SLC7A14: variants seen among roughly 807,000 people sequenced by gnomAD.
SLC7A14 encodes the protein solute carrier family 7 member 14.
A neutral mutation model predicts 60.2 loss-of-function variants in SLC7A14; 37 were observed. The observed-to-expected ratio is 0.61, with a 90% confidence interval of 0.47 to 0.81. The LOEUF (loss-of-function observed/expected upper bound fraction) is 0.81. Ranked by LOEUF, SLC7A14 falls within the 30% of genes least tolerant of loss-of-function variation. SLC7A14 has a pLI of 0.00. For missense variants in SLC7A14, 886 were observed against 982.7 expected, an observed-to-expected ratio of 0.90 and a Z score of 1.32; for synonymous variants, 399 against 395.8, an observed-to-expected ratio of 1.01 and a Z score of -0.10.
chr3:170,519,503 G>T (rs1410757875), intron 2 of SLC7A14, among the ~76,000 whole-genome samples: 1 of 152,214 alleles, frequency 6.6e-6, no homozygotes, highest in South Asian at 2.1e-4. Flanking sequence ...GGGGCCAGGC[G>T]CAGTGGCTCA....
chr3:170,533,650 AGTGTGTGTGTGT>A (rs55850380), intron 1 of SLC7A14, among the ~76,000 whole-genome samples: 2,716 of 149,062 alleles, frequency 0.018, 82 homozygotes, highest in African/African-American at 0.063. Flanking sequence ...CATCTGGCCC[AGTGTGTGTGTGT>A]GTGTGTGTGT....
chr3:170,505,634 C>T (rs1466476025), intron 2 of SLC7A14, among the ~76,000 whole-genome samples: 3 of 152,006 alleles, frequency 2.0e-5, no homozygotes, highest in African/African-American at 4.8e-5. Context: ...GCCTGTAATC[C>T]CAGAACTTTG....
intron 7 of SLC7A14, among the ~76,000 whole-genome samples, chr3:170,468,765 T>G (rs1739795105): frequency 6.6e-6 from 1 of 152,180 alleles, no homozygotes; most frequent in African/African-American, 2.4e-5. Context: ...ACTTAGCCTC[T>G]CTGTTCCTCA....
At position 170,486,327 on chromosome 3, in the gene SLC7A14, G is replaced by C; in HGVS notation, c.801C>G (p.Gly267=). The change falls in exon 5 of 8, where the codon GGC becomes GGG. Residue 267 remains glycine, a synonymous_variant. Transcript: ENST00000231706. ...GAATCFYAFI[G]FDIIATTGEE... ...CTCCAGTGGTGGCGATGATGTCAAA[G>C]CCAATGAAAGCGTAGAAGCATGTTG... 6.2e-7 allele frequency: 1 copy of C among 1,614,218 alleles called. No individual in the cohort carries two copies. The highest frequency in any genetic ancestry group is 8.5e-7 in the Non-Finnish European group (1 of 1,180,046).
At chr3:170,545,772 G>A (rs1166166130) in intron 1 of SLC7A14, among the ~76,000 whole-genome samples, 4 of 152,212 alleles carry the variant, frequency 2.6e-5, no homozygotes, top group African/African-American at 7.2e-5. Flanking sequence ...CACATTAGCT[G>A]ATATTATTAT....
Position 170,557,117 on chromosome 3 carries a change from A to T in SLC7A14, c.-153+28794T>A, listed in dbSNP as rs186420435. Among the ~76,000 whole-genome samples, 5 of 152,260 alleles carry T rather than the reference A, an allele frequency of 3.3e-5. No individual in the cohort carries two copies. In the East Asian group the frequency reaches 9.6e-4, roughly 29 times the overall value. Reference sequence around the variant, plus strand: ...GGCTTCCAGGTGGGTTATGATGCACAGTTCTCCTACTGAGTGTATTGTGTG... The same window carrying T: ...GGCTTCCAGGTGGGTTATGATGCACTGTTCTCCTACTGAGTGTATTGTGTG... On this transcript the variant is annotated intron_variant, in intron 1 of 7. Transcript: ENST00000231706.
At position 170,464,364 on chromosome 3, in the gene SLC7A14, G is replaced by A. The variant is rs940122441; in HGVS notation, c.*2691C>T. ...GCAAAGTTTCTAAGATAATTATAAG[G>A]TGATCTTACTTTTAATGTGATCCCA... On this transcript the variant is annotated 3_prime_UTR_variant, in exon 8 of 8. Transcript: ENST00000231706. 1.3e-5 allele frequency: 2 copies of A among 152,150 alleles called. No homozygotes were observed. Among genetic ancestry groups the A allele is most frequent in the African/African-American group, 4.8e-5 (2 of 41,442 alleles). The allele number at this position is 152,150 out of a possible 1,614,324, so 9.4% of individuals were successfully genotyped here. A position where few individuals can be genotyped will look rare whatever the true frequency, so the allele number is the denominator to read the frequency against.
rs759232246 is a variant in SLC7A14, at chr3:170,526,614, C to T, written c.304+19G>A. On this transcript the variant is annotated intron_variant, in intron 2 of 7. Transcript: ENST00000231706. Reference sequence around the variant, plus strand: ...GTAAGCACACTTTCCACAGTACTTCCCTGCATGGAGACACTTACCTGATAA... The same window carrying T: ...GTAAGCACACTTTCCACAGTACTTCTCTGCATGGAGACACTTACCTGATAA... The T allele has an allele frequency of 1.9e-6, 3 of 1,610,712 alleles. No homozygotes were observed. Among genetic ancestry groups the T allele is most frequent in the Non-Finnish European group, 2.5e-6 (3 of 1,178,572 alleles).
chr3:170,512,808 C>T (rs1310423228), intron 2 of SLC7A14, among the ~76,000 whole-genome samples: 8 of 150,898 alleles, frequency 5.3e-5, no homozygotes, highest in African/African-American at 1.5e-4. Flanking sequence ...GGACTACAGG[C>T]GCCCGCCACT....
chr3:170,552,026 A>G (rs185989081), intron 1 of SLC7A14, among the ~76,000 whole-genome samples: 29 of 152,348 alleles, frequency 1.9e-4, no homozygotes, highest in Non-Finnish European at 1.2e-4. Context: ...ATTTTCTTCC[A>G]AGAATTTTAT....
At chr3:170,471,244 A>G (rs1013388517) in intron 7 of SLC7A14, among the ~76,000 whole-genome samples, 1 of 152,196 alleles carries the variant, frequency 6.6e-6, no homozygotes. Flanking sequence ...AGGTCTCCCC[A>G]TGCCCTAATC....
chr3:170,486,354 T>C lies in SLC7A14; in HGVS notation c.774A>G (p.Ala258=), dbSNP rs770033242. ...PHGWSGVLQG[A]ATCFYAFIGF... is the part of the protein sequence containing the mutation. Reference sequence around the variant, plus strand: ...CAATGAAAGCGTAGAAGCATGTTGCTGCTCCTTGCAGCACCTGTGTGGATG... The same window carrying C: ...CAATGAAAGCGTAGAAGCATGTTGCCGCTCCTTGCAGCACCTGTGTGGATG... The change falls in exon 5 of 8, where the codon GCA becomes GCG. Residue 258 remains alanine (A), a synonymous_variant. Transcript: ENST00000231706. The C allele has an allele frequency of 4.3e-6, 7 of 1,614,258 alleles. No homozygotes were observed. Among genetic ancestry groups the C allele is most frequent in the South Asian group, 1.1e-5 (1 of 91,088 alleles).
chr3:170,526,999 A>T lies in SLC7A14; in HGVS notation c.-63T>A. On this transcript the variant is annotated 5_prime_UTR_variant, in exon 2 of 8. Coordinates refer to ENST00000231706, the MANE Select transcript of SLC7A14 (RefSeq NM_020949.3). Reference sequence around the variant, plus strand: ...GAAGGGGGCTACAAAGCCTTAGTGGATGGTTCTGGAACTCATCTAGTGAAC... The same window carrying T: ...GAAGGGGGCTACAAAGCCTTAGTGGTTGGTTCTGGAACTCATCTAGTGAAC... 6 of 1,521,588 alleles carry T rather than the reference A, an allele frequency of 3.9e-6. No homozygotes were observed. The highest frequency in any genetic ancestry group is 1.4e-5 in the African/African-American group (1 of 73,358). The allele number at this position is 1,521,588 out of a possible 1,614,324, so 94.3% of individuals were successfully genotyped here. A position where few individuals can be genotyped will look rare whatever the true frequency, so the allele number is the denominator to read the frequency against.
At chr3:170,552,328 T>G (rs1306293902) in intron 1 of SLC7A14, among the ~76,000 whole-genome samples, 1 of 152,192 alleles carries the variant, frequency 6.6e-6, no homozygotes, top group Non-Finnish European at 1.5e-5. Flanking sequence ...ACCCTCACAT[T>G]GTTGGGCATT....
chr3:170,542,862 TGA>T (rs1175269956), intron 1 of SLC7A14, among the ~76,000 whole-genome samples: 1 of 152,302 alleles, frequency 6.6e-6, no homozygotes, highest in African/African-American at 2.4e-5. Context: ...TACTACTAGA[TGA>T]AATCACAGAG....
chr3:170,478,143 T>C (rs945044836), intron 7 of SLC7A14, among the ~76,000 whole-genome samples: 7 of 152,156 alleles, frequency 4.6e-5, no homozygotes, highest in Admixed American at 2.0e-4. Context: ...AGTGGTGTGA[T>C]CTCAGCTCAC....
intron 2 of SLC7A14, among the ~76,000 whole-genome samples, chr3:170,523,717 C>T (rs1010294841): frequency 2.0e-5 from 3 of 151,988 alleles, no homozygotes; most frequent in Admixed American, 6.6e-5. Context: ...AGAAAAGGAC[C>T]GTGTATTTAA....
intron 1 of SLC7A14, among the ~76,000 whole-genome samples, chr3:170,533,790 G>T (rs1376668008): frequency 6.6e-6 from 1 of 152,106 alleles, no homozygotes; most frequent in Non-Finnish European, 1.5e-5. Flanking sequence ...TTAAAACCAG[G>T]GTTCCTGATT....
chr3:170,496,156 C>A, intron 4 of SLC7A14: 1 of 921,426 alleles, frequency 1.1e-6, no homozygotes, highest in Non-Finnish European at 1.8e-6. Flanking sequence ...ATCTCGGGCA[C>A]GTCTGCGGTG....
Sources: allele counts gnomAD v4.1 joint callset (sites outside exome capture counted in the v4.1 genomes callset), GRCh38; gene constraint gnomAD v4.1.1; transcripts MANE v1.5; gene names NCBI Gene and HGNC (gene_info 2026-07-23, HGNC 2026-07-21).